OR14I1: variants seen among roughly 807,000 people sequenced by gnomAD.
OR14I1 encodes the protein olfactory receptor family 14 subfamily I member 1, also known as olfactory receptor 14I1.
For missense variants in OR14I1, 279 were observed against 181.8 expected (o/e 1.53, Z -3.07); for synonymous variants, 118 against 71.1 (o/e 1.66, Z -3.32).
the OR14I1 span, among the ~76,000 whole-genome samples, chr1:248,700,626 T>G: frequency 6.6e-6 from 1 of 152,230 alleles, no homozygotes; most frequent in Non-Finnish European, 1.5e-5. Flanking sequence ...CCAGATGTAT[T>G]AAGTCAACTA....
chr1:248,681,946 C>A (rs767063023), exon 1 of OR14I1: 1 of 780,952 alleles, frequency 1.3e-6, no homozygotes, highest in South Asian at 1.3e-5. Context: ...GGCAACATAG[C>A]GGTCATAAGA....
Position 248,682,278 on chromosome 1 carries a change from TTC to T in OR14I1, c.25_26del (p.Glu9IlefsTer69), listed in dbSNP as rs756829066. ...TACCAGAAAACTCCATCAGCAGGAA[TTC>T]TGTCACTTTTGTGAGATTGTCCATT... is the stretch of plus-strand genomic sequence containing the variant. On this transcript the variant is annotated frameshift_variant, in exon 1 of 1. Transcript: ENST00000342623. LOFTEE classifies it low-confidence loss of function (END_TRUNC). 6 of 753,222 alleles carry T rather than the reference TTC, an allele frequency of 8.0e-6. No homozygotes were observed. Among genetic ancestry groups the T allele is most frequent in the Admixed American group, 5.6e-5 (3 of 53,526 alleles). The allele number at this position is 753,222 out of a possible 1,614,324, so 46.7% of individuals were successfully genotyped here. A position where few individuals can be genotyped will look rare whatever the true frequency, so the allele number is the denominator to read the frequency against.
At chr1:248,700,023 G>A in the OR14I1 span, among the ~76,000 whole-genome samples, 18 of 152,200 alleles carry the variant, frequency 1.2e-4, no homozygotes, top group African/African-American at 3.9e-4. Flanking sequence ...GCCTCCCAAA[G>A]TGCTGGGATT....
chr1:248,685,125 G>T (rs1558191131), upstream of OR14I1, among the ~76,000 whole-genome samples: 1 of 151,486 alleles, frequency 6.6e-6, no homozygotes, highest in Non-Finnish European at 1.5e-5. Flanking sequence ...AGTGAAAAAA[G>T]CTCTCTTTTT....
chr1:248,679,645 A>T (rs1661526470), downstream of OR14I1, among the ~76,000 whole-genome samples: 1 of 152,062 alleles, frequency 6.6e-6, no homozygotes, highest in Admixed American at 6.6e-5. Context: ...GAACACTCAC[A>T]CCTGCTCTGG....
At chr1:248,699,916 C>T in the OR14I1 span, among the ~76,000 whole-genome samples, 6 of 152,072 alleles carry the variant, frequency 3.9e-5, no homozygotes, top group Non-Finnish European at 5.9e-5. Context: ...TGCCACCACG[C>T]CCAGCTAATT....
the OR14I1 span, chr1:248,699,189 G>T: frequency 6.6e-6 from 1 of 152,188 alleles, no homozygotes; most frequent in African/African-American, 2.4e-5. Context: ...GAGTTTACTT[G>T]TTGTGTATCC....
exon 1 of OR14I1, chr1:248,681,567 G>A (rs1393649407): frequency 1.3e-6 from 1 of 781,058 alleles, no homozygotes; most frequent in South Asian, 1.3e-5. Flanking sequence ...GAAAGAGCAT[G>A]ATGACAATGA....
chr1:248,682,212 C>G (rs750398755), exon 1 of OR14I1: 2 of 780,978 alleles, frequency 2.6e-6, no homozygotes, highest in South Asian at 2.7e-5. Flanking sequence ...CCAGATAAAT[C>G]AGCAGAAACA....
chr1:248,690,600 C>CAAA, the OR14I1 span, among the ~76,000 whole-genome samples: 7,608 of 50,980 alleles, frequency 0.15, 1,020 homozygotes, highest in Non-Finnish European at 0.16. Flanking sequence ...GTCTACCAAC[C>CAAA]AAAAAAAAAA....
downstream of OR14I1, among the ~76,000 whole-genome samples, chr1:248,680,330 G>C (rs973454768): frequency 6.6e-6 from 1 of 152,188 alleles, no homozygotes; most frequent in Admixed American, 6.5e-5. Context: ...GAAAGTAAAA[G>C]TGAGATTTGG....
chr1:248,679,348 G>C (rs1289435992), downstream of OR14I1, among the ~76,000 whole-genome samples: 1 of 151,768 alleles, frequency 6.6e-6, no homozygotes. Context: ...TGGCAAGAGG[G>C]CTTCCGTGAT....
chr1:248,697,477 T>TAAAAAAA, the OR14I1 span, among the ~76,000 whole-genome samples: 1 of 127,686 alleles, frequency 7.8e-6, no homozygotes, highest in Non-Finnish European at 1.7e-5. Flanking sequence ...TGGTTAGGTT[T>TAAAAAAA]AAAAAAAAAA....
At chr1:248,686,686 G>C (rs1661662148), upstream of OR14I1, among the ~76,000 whole-genome samples, 1 of 148,090 alleles carries the variant, frequency 6.8e-6, no homozygotes, top group African/African-American at 2.5e-5. Context: ...AATTTGAAAT[G>C]ATTGCTTACA....
chr1:248,687,956 G>A, the OR14I1 span, among the ~76,000 whole-genome samples: 1 of 152,224 alleles, frequency 6.6e-6, no homozygotes, highest in Non-Finnish European at 1.5e-5. Context: ...AGAATATCTG[G>A]ATCTAAATTG....
chr1:248,679,811 A>C (rs1661528929), downstream of OR14I1, among the ~76,000 whole-genome samples: 1 of 152,216 alleles, frequency 6.6e-6, no homozygotes, highest in South Asian at 2.1e-4. Flanking sequence ...GGGTGAAAGT[A>C]CTTGCTTATC....
At chr1:248,683,792 C>T (rs746066698), upstream of OR14I1, among the ~76,000 whole-genome samples, 3 of 152,142 alleles carry the variant, frequency 2.0e-5, no homozygotes, top group Non-Finnish European at 4.4e-5. Flanking sequence ...CCAGCACTTT[C>T]GGAGGTTGAG....
At chr1:248,699,660 G>T in the OR14I1 span, among the ~76,000 whole-genome samples, 2 of 152,186 alleles carry the variant, frequency 1.3e-5, no homozygotes, top group African/African-American at 4.8e-5. Flanking sequence ...CTGAGGACAG[G>T]CCAGCTCTGT....
the OR14I1 span, among the ~76,000 whole-genome samples, chr1:248,689,371 T>A: frequency 1.3e-5 from 2 of 152,160 alleles, no homozygotes; most frequent in Non-Finnish European, 2.9e-5. Context: ...TATGCTGTCT[T>A]CCAGGAACCT....
Sources: allele counts gnomAD v4.1 joint callset (sites outside exome capture counted in the v4.1 genomes callset), GRCh38; gene constraint gnomAD v4.1.1; transcripts MANE v1.5; gene names NCBI Gene and HGNC (gene_info 2026-07-23, HGNC 2026-07-21).